The following PSG3 variants were observed in gnomAD, a reference collection of about 807,000 sequenced individuals.
PSG3 encodes pregnancy-specific beta-1-glycoprotein 3.
Under a neutral mutation model 47.5 loss-of-function variants are expected in PSG3, and 61 were observed. That is an observed-to-expected ratio of 1.28 (90% CI 1.05 to 1.59). The LOEUF (loss-of-function observed/expected upper bound fraction) is 1.59, where lower values mean the gene tolerates loss of function less well. Ranked by LOEUF, PSG3 falls within the 40% of genes most tolerant of loss-of-function variation. PSG3 has a pLI of 0.00. For synonymous variants in PSG3, 263 were observed against 198.4 expected, an observed-to-expected ratio of 1.33 and a Z score of -2.74; for missense variants, 756 against 524.0, an observed-to-expected ratio of 1.44 and a Z score of -4.32.
chr19:42,730,783 C>T (rs1463815983), intron 3 of PSG3, among the ~76,000 whole-genome samples: 1 of 152,170 alleles, frequency 6.6e-6, no homozygotes, highest in Admixed American at 6.5e-5. Flanking sequence ...AAGCATGTTC[C>T]CTGTCTTGGG....
intron 2 of PSG3, among the ~76,000 whole-genome samples, chr19:42,734,496 C>G (rs778837179): frequency 6.6e-6 from 1 of 152,114 alleles, no homozygotes; most frequent in African/African-American, 2.4e-5. Flanking sequence ...TATGTTCTGA[C>G]TCTAGTAACA....
At chr19:42,728,305 C>G (rs1969408220) in intron 5 of PSG3, among the ~76,000 whole-genome samples, 1 of 152,162 alleles carries the variant, frequency 6.6e-6, no homozygotes, top group African/African-American at 2.4e-5. Flanking sequence ...TAATTACACA[C>G]TTTTTGGCAC....
intron 5 of PSG3, among the ~76,000 whole-genome samples, chr19:42,726,323 G>A (rs1342309629): frequency 6.6e-6 from 1 of 151,778 alleles, no homozygotes; most frequent in East Asian, 1.9e-4. Flanking sequence ...AAAAAAAGAC[G>A]TTAAAATTGG....
chr19:42,723,516 A>G (rs1969328744), intron 6 of PSG3, among the ~76,000 whole-genome samples: 1 of 152,222 alleles, frequency 6.6e-6, no homozygotes, highest in South Asian at 2.1e-4. Flanking sequence ...GATTAAGTGA[A>G]TTAACTAGAT....
At chr19:42,733,790 C>T (rs1969516332) in intron 2 of PSG3, 1 of 152,574 alleles carries the variant, frequency 6.6e-6, no homozygotes, top group African/African-American at 2.4e-5. Flanking sequence ...GTTCCCTGTT[C>T]TGGGTCCATG....
chr19:42,735,936 C>G (rs1229203882), intron 2 of PSG3, among the ~76,000 whole-genome samples: 1 of 152,224 alleles, frequency 6.6e-6, no homozygotes, highest in East Asian at 1.9e-4. Context: ...TGACAGCAAA[C>G]TAGCATGGCT....
intron 2 of PSG3, among the ~76,000 whole-genome samples, chr19:42,738,426 A>T (rs1451517679): frequency 6.6e-6 from 1 of 152,180 alleles, no homozygotes. Context: ...GGTCTTTCTC[A>T]GGGTCAAATT....
At chr19:42,734,091 G>C (rs1334805903) in intron 2 of PSG3, 1 of 152,208 alleles carries the variant, frequency 6.6e-6, no homozygotes, top group Non-Finnish European at 1.5e-5. Context: ...TAGAATAGTA[G>C]TTTCCAGGAG....
At chr19:42,736,433 C>T (rs1031282082) in intron 2 of PSG3, among the ~76,000 whole-genome samples, 1 of 152,146 alleles carries the variant, frequency 6.6e-6, no homozygotes, top group African/African-American at 2.4e-5. Flanking sequence ...CGCATGATTC[C>T]ATCACCAATC....
intron 5 of PSG3, among the ~76,000 whole-genome samples, chr19:42,728,540 G>C (rs919940293): frequency 6.6e-6 from 1 of 152,166 alleles, no homozygotes; most frequent in African/African-American, 2.4e-5. Flanking sequence ...CTGGCAACTC[G>C]ATTTAGCCAA....
At chr19:42,727,036 C>G (rs373935338) in intron 5 of PSG3, among the ~76,000 whole-genome samples, 1 of 152,110 alleles carries the variant, frequency 6.6e-6, no homozygotes, top group Non-Finnish European at 1.5e-5. Context: ...GGGAAGGGAC[C>G]GTTTTCTCAC....
At chr19:42,730,885 G>C (rs551630143) in intron 3 of PSG3, among the ~76,000 whole-genome samples, 1 of 152,354 alleles carries the variant, frequency 6.6e-6, no homozygotes, top group South Asian at 2.1e-4. Flanking sequence ...ATGCAGCACT[G>C]ACTGGTGGAA....
At chr19:42,730,172 C>G (rs979739371) in intron 3 of PSG3, 116 bp from the exon 4 acceptor site, 9 of 1,522,830 alleles carry the variant, frequency 5.9e-6, no homozygotes, top group Non-Finnish European at 7.9e-6. Context: ...CCTTGAAAGC[C>G]AATAGCTGGT....
At chr19:42,739,354 AG>A (rs1214671153) in intron 1 of PSG3, 5 of 526,852 alleles carry the variant, frequency 9.5e-6, no homozygotes, top group Non-Finnish European at 1.6e-5. Flanking sequence ...CCTCTTCCCC[AG>A]GGGTCCGCAC....
chr19:42,724,980 C>A (rs1398163282), intron 5 of PSG3, among the ~76,000 whole-genome samples: 1 of 152,104 alleles, frequency 6.6e-6, no homozygotes, highest in Non-Finnish European at 1.5e-5. Context: ...CACACAATAA[C>A]CCTGTGAGGT....
chr19:42,734,768 G>C (rs1275846785), intron 2 of PSG3, among the ~76,000 whole-genome samples: 1 of 152,228 alleles, frequency 6.6e-6, no homozygotes, highest in African/African-American at 2.4e-5. Context: ...TGCATAAAGG[G>C]AGGAAGGATG....
At chr19:42,733,308 C>A in intron 2 of PSG3, 2 of 808,254 alleles carry the variant, frequency 2.5e-6, no homozygotes, top group Non-Finnish European at 3.6e-6. Context: ...CATTGGGTCA[C>A]GGAAAGACAC....
At chr19:42,739,260 T>C (rs1600392811) in intron 1 of PSG3, 171 bp from the exon 2 acceptor site, 1 of 1,143,334 alleles carries the variant, frequency 8.7e-7, no homozygotes, top group Non-Finnish European at 1.2e-6. Context: ...TGTGTTTGTG[T>C]CCTACTCTCC....
chr19:42,728,807 A>T (rs1969416196), intron 5 of PSG3, among the ~76,000 whole-genome samples: 1 of 152,148 alleles, frequency 6.6e-6, no homozygotes, highest in Non-Finnish European at 1.5e-5. Context: ...TGTTGGTGAC[A>T]GCAAGAAGCA....
Sources: allele counts gnomAD v4.1 joint callset (sites outside exome capture counted in the v4.1 genomes callset), GRCh38; gene constraint gnomAD v4.1.1; transcripts MANE v1.5; gene names NCBI Gene and HGNC (gene_info 2026-07-23, HGNC 2026-07-21).